Variants in PAM observed in about 807,000 individuals in gnomAD.
PAM encodes peptidyl-glycine alpha-amidating monooxygenase.
In PAM, 72 loss-of-function variants were observed where a neutral mutation model predicts 122.1. The ratio of observed to expected loss-of-function variants is 0.59; its 90% CI spans 0.49 to 0.72. PAM has a LOEUF of 0.72. Ranked by LOEUF, PAM falls within the 30% of genes least tolerant of loss-of-function variation. The probability of loss-of-function intolerance (pLI) is 0.00; values close to 1 mark genes in which losing one functional copy is unlikely to be tolerated. For missense variants in PAM, 1,106 were observed against 1,183.7 expected (o/e 0.93, Z 0.96); for synonymous variants, 389 against 404.4 (o/e 0.96, Z 0.46).
In PAM at chr5:102,925,042, G is replaced by C; in HGVS notation, c.442G>C (p.Gly148Arg). The part of the protein sequence containing the change: ...RNAPPTRLPK[G>R]VGFRVGGETG... ...TGCTCCCCCTACCCGGCTCCCCAAAGGTATGTCAGAGCCTCTTGGGTGGTC... is the reference window on the plus strand; with the variant it reads ...TGCTCCCCCTACCCGGCTCCCCAAACGTATGTCAGAGCCTCTTGGGTGGTC... The change falls in exon 6 of 26, where the codon GGT (glycine) becomes CGT (arginine). Residue 148 changes from glycine to arginine, a missense_variant and splice_region_variant. Physicochemically the swap from Gly to Arg is moderately radical, Grantham distance 125 (BLOSUM62 -2). Transcript: ENST00000438793. 6.6e-7 allele frequency: 1 copy of C among 1,508,208 alleles called. No individual in the cohort carries two copies. Among genetic ancestry groups the C allele is most frequent in the South Asian group, 1.1e-5 (1 of 88,964 alleles). 93.4% of individuals were successfully genotyped at this position (1,508,208 alleles called of 1,614,324 possible). A position where few individuals can be genotyped will look rare whatever the true frequency, so the allele number is the denominator to read the frequency against.
Position 102,913,948 on chromosome 5 carries a change from C to T in PAM, c.283C>T (p.Arg95Ter), listed in dbSNP as rs201670392. ...EEAFVIDFKP[R>*]ASMDTVHHML... ...TCTCGTAACAGTTGACTTCAAGCCT[C>T]GAGCCAGCATGGATACTGTCCATCA... The change falls in exon 5 of 26, where the codon CGA becomes TGA. Residue 95 changes from arginine to a stop codon, truncating the protein, a stop_gained. Coordinates refer to ENST00000438793, the MANE Select transcript of PAM (RefSeq NM_001177306.2). LOFTEE classifies it high-confidence loss of function. The T allele has an allele frequency of 3.1e-6, 5 of 1,602,858 alleles. No individual in the cohort carries two copies. Among genetic ancestry groups the T allele is most frequent in the Non-Finnish European group, 3.4e-6 (4 of 1,170,260 alleles).
intron 1 of PAM, among the ~76,000 whole-genome samples, chr5:102,797,505 G>A (rs1166478019): frequency 6.6e-6 from 1 of 152,084 alleles, no homozygotes; most frequent in Non-Finnish European, 1.5e-5. Context: ...AATGGCTTTC[G>A]ACCTGCTGTA....
chr5:102,795,244 G>A (rs1326125698), intron 1 of PAM, among the ~76,000 whole-genome samples: 5 of 148,368 alleles, frequency 3.4e-5, no homozygotes, highest in Non-Finnish European at 7.4e-5. Flanking sequence ...AAAAGTGCTT[G>A]GAATGGGAGA....
At chr5:102,841,446 A>C (rs1472171191) in intron 1 of PAM, among the ~76,000 whole-genome samples, 1 of 126,736 alleles carries the variant, frequency 7.9e-6, no homozygotes, top group Non-Finnish European at 1.7e-5. Context: ...CACACACACA[A>C]AGTAGTTATC....
chr5:102,914,079 A>C, intron 5 of PAM, 58 bp downstream of exon 5: 6 of 878,096 alleles, frequency 6.8e-6, no homozygotes, highest in Non-Finnish European at 9.7e-6. Context: ...TACAAGTGCA[A>C]AGTGTATCTG....
chr5:102,758,629 A>G (rs953309762), intron 1 of PAM, among the ~76,000 whole-genome samples: 6 of 152,174 alleles, frequency 3.9e-5, no homozygotes, highest in African/African-American at 1.4e-4. Flanking sequence ...GTATCCCTAC[A>G]ATTTACTGTG....
At chr5:102,998,084 A>G (rs1042719701) in intron 16 of PAM, among the ~76,000 whole-genome samples, 2 of 152,174 alleles carry the variant, frequency 1.3e-5, no homozygotes, top group African/African-American at 4.8e-5. Context: ...AATAATCTGG[A>G]CCTATAAGAA....
At chr5:102,999,031 T>TGG (rs1189787470) in intron 16 of PAM, among the ~76,000 whole-genome samples, 1 of 152,286 alleles carries the variant, frequency 6.6e-6, no homozygotes, top group Non-Finnish European at 1.5e-5. Context: ...GTCCTTCACA[T>TGG]GATGGCAGGA....
chr5:102,935,013 C>G lies in PAM; in HGVS notation c.526+8345C>G, dbSNP rs1453305513. Among the ~76,000 whole-genome samples the G allele has an allele frequency of 2.6e-5, 4 of 152,072 alleles. No individual in the cohort carries two copies. The South Asian group carries it at 6.2e-4, about 24-fold the overall frequency. On this transcript the variant is annotated intron_variant, in intron 7 of 25. Transcript: ENST00000438793. ...CTGCACATTTTCCCTTTAAAATAAT[C>G]TTCTCTTCTGAACTTTATTTTTCCT...
chr5:102,868,783 A>C (rs1011897046), intron 3 of PAM, among the ~76,000 whole-genome samples: 2 of 152,122 alleles, frequency 1.3e-5, no homozygotes, highest in Non-Finnish European at 2.9e-5. Flanking sequence ...TATTATTGTT[A>C]TTCTTTCTTC....
intron 1 of PAM, among the ~76,000 whole-genome samples, chr5:102,805,748 G>A (rs570044747): frequency 2.6e-5 from 4 of 152,296 alleles, no homozygotes; most frequent in African/African-American, 7.2e-5. Flanking sequence ...TAGTGAAGTC[G>A]TGGAAGGAAA....
intron 1 of PAM, among the ~76,000 whole-genome samples, chr5:102,833,845 C>T (rs1303999395): frequency 6.6e-6 from 1 of 152,066 alleles, no homozygotes; most frequent in East Asian, 1.9e-4. Flanking sequence ...GAGAAGAGAT[C>T]CTACATTGGG....
intron 1 of PAM, among the ~76,000 whole-genome samples, chr5:102,780,819 CTTTCTT>C (rs1758684445): frequency 6.5e-5 from 8 of 123,994 alleles, no homozygotes; most frequent in Non-Finnish European, 1.1e-4. Context: ...TTCTTTCTTT[CTTTCTT>C]TCTTTCTTTC....
intron 3 of PAM, among the ~76,000 whole-genome samples, chr5:102,870,843 T>G (rs1199722668): frequency 1.3e-5 from 2 of 152,152 alleles, no homozygotes; most frequent in Non-Finnish European, 1.5e-5. Flanking sequence ...TTGAGACTCC[T>G]CTTTTAGCAC....
chr5:102,869,849 G>GA (rs1561696805), intron 3 of PAM, among the ~76,000 whole-genome samples: 1 of 150,918 alleles, frequency 6.6e-6, no homozygotes, highest in African/African-American at 2.4e-5. Flanking sequence ...GAAAGGAGGT[G>GA]AAAAAAAGCA....
intron 7 of PAM, among the ~76,000 whole-genome samples, chr5:102,932,254 G>A (rs1053624973): frequency 2.0e-5 from 3 of 152,058 alleles, no homozygotes; most frequent in Non-Finnish European, 4.4e-5. Context: ...TCAGGAGGCC[G>A]AAGCAGGCAG....
chr5:103,009,366 T>G (rs1390707863), intron 20 of PAM, among the ~76,000 whole-genome samples: 1 of 152,192 alleles, frequency 6.6e-6, no homozygotes, highest in Non-Finnish European at 1.5e-5. Flanking sequence ...TATTACTTAT[T>G]TTTTAAAAGA....
At chr5:102,927,726 C>A (rs1406269517) in intron 7 of PAM, among the ~76,000 whole-genome samples, 1 of 149,820 alleles carries the variant, frequency 6.7e-6, no homozygotes, top group Non-Finnish European at 1.5e-5. Context: ...GTACTATAAT[C>A]AAATATATTA....
At chr5:102,970,079 A>G (rs1032143964) in intron 14 of PAM, among the ~76,000 whole-genome samples, 1 of 152,270 alleles carries the variant, frequency 6.6e-6, no homozygotes, top group African/African-American at 2.4e-5. Context: ...TAAAGAGTCT[A>G]TTAGCATTGG....
Sources: allele counts gnomAD v4.1 joint callset (sites outside exome capture counted in the v4.1 genomes callset), GRCh38; gene constraint gnomAD v4.1.1; transcripts MANE v1.5; gene names NCBI Gene and HGNC (gene_info 2026-07-23, HGNC 2026-07-21).